Variants in CYP2A7 observed in about 807,000 individuals in gnomAD.
CYP2A7 encodes the protein cytochrome P450 family 2 subfamily A member 7, also known as cytochrome P450 2A7.
A neutral mutation model predicts 42.0 loss-of-function variants in CYP2A7; 36 were observed. That is an observed-to-expected ratio of 0.86 (90% CI 0.66 to 1.13). The LOEUF is 1.13. CYP2A7 is among the 50% of genes most tolerant of loss of function. The pLI, the probability that CYP2A7 is intolerant of heterozygous loss-of-function variation, is 0.00. For missense variants in CYP2A7, 661 were observed against 634.1 expected (o/e 1.04, Z -0.46); for synonymous variants, 260 against 249.5 (o/e 1.04, Z -0.40).
intron 2 of CYP2A7, among the ~76,000 whole-genome samples, chr19:40,881,180 T>C (rs1420938149): frequency 6.6e-6 from 1 of 150,458 alleles, no homozygotes; most frequent in Non-Finnish European, 1.5e-5. Context: ...AAGAATAGCA[T>C]GAAATCCTAA....
chr19:40,881,859 C>T (rs1366120006), intron 1 of CYP2A7, 108 bp from the exon 2 acceptor site: 1 of 1,532,688 alleles, frequency 6.5e-7, no homozygotes, highest in Non-Finnish European at 8.8e-7. Context: ...TTCTCACAGT[C>T]AGGGAGCTGG....
Position 40,876,340 on chromosome 19 carries a change from C to A in CYP2A7, c.1303+187G>T, listed in dbSNP as rs181950391. On this transcript the variant is annotated intron_variant, in intron 8 of 8. Transcript: ENST00000301146. ...TCTACGGGGAAAGATGTTTCCTTTC[C>A]TTTTACCTGGGTGCAGGTACTGGGT... 568 of 965,576 alleles carry A rather than the reference C, an allele frequency of 5.9e-4. 5 individuals are homozygous for A. The highest frequency in any genetic ancestry group is 5.5e-3 in the African/African-American group (328 of 59,678). The allele number at this position is 965,576 out of a possible 1,614,324, so 59.8% of individuals were successfully genotyped here. A position where few individuals can be genotyped will look rare whatever the true frequency, so the allele number is the denominator to read the frequency against.
intron 7 of CYP2A7, 85 bp downstream of exon 7, chr19:40,877,105 A>G: frequency 1.4e-6 from 2 of 1,478,518 alleles, no homozygotes; most frequent in Admixed American, 1.8e-5. Flanking sequence ...GACAGTGAGT[A>G]GAAAGCTTCT....
At position 40,879,961 on chromosome 19, in the gene CYP2A7, G is replaced by C. The variant is rs1180858636; in HGVS notation, c.654+123C>G. On this transcript the variant is annotated intron_variant, in intron 4 of 8. Transcript: ENST00000301146. ...TGCAACTGTCCAGTTGTCCAATATC[G>C]GGGGCTGATTTTGAGGGGACACTGT... 4 of 1,487,958 alleles carry C rather than the reference G, an allele frequency of 2.7e-6. No homozygotes were observed. In the African/African-American group the frequency reaches 5.5e-5, roughly 21 times the overall value. The allele number at this position is 1,487,958 out of a possible 1,614,324, so 92.2% of individuals were successfully genotyped here. A position where few individuals can be genotyped will look rare whatever the true frequency, so the allele number is the denominator to read the frequency against.
intron 6 of CYP2A7, among the ~76,000 whole-genome samples, chr19:40,877,580 C>T (rs1240211825): frequency 6.6e-6 from 1 of 151,464 alleles, no homozygotes; most frequent in Non-Finnish European, 1.5e-5. Context: ...AGGGGAGGCA[C>T]AGGGAGGAAC....
chr19:40,879,625 G>A (rs12982395), intron 4 of CYP2A7, among the ~76,000 whole-genome samples: 74,799 of 150,352 alleles, frequency 0.5, 19,346 homozygotes, highest in Admixed American at 0.62. Context: ...TGAAGTAGAG[G>A]GCGCTTGGCC....
chr19:40,880,149 C>T lies in CYP2A7; in HGVS notation c.589G>A (p.Glu197Lys), dbSNP rs765740639. ...ATCATGCTCAGCAGTGACAGGAACT[C>T]TTTGTCCTCATAGTCAAAGCGGTCC... The part of the protein sequence containing the change: ...FGDRFDYEDK[E>K]FLSLLSMMLG... Residue 197 changes from glutamate (E) to lysine (K), a missense_variant, in exon 4 of 9, where the codon GAG becomes AAG. Coordinates refer to ENST00000301146, the MANE Select transcript of CYP2A7 (RefSeq NM_000764.3). The T allele has an allele frequency of 1.2e-6, 2 of 1,612,890 alleles. No homozygotes were observed. Among genetic ancestry groups the T allele is most frequent in the East Asian group, 2.2e-5 (1 of 44,882 alleles).
intron 2 of CYP2A7, among the ~76,000 whole-genome samples, chr19:40,881,360 G>C (rs1312286490): frequency 6.6e-6 from 1 of 151,564 alleles, no homozygotes; most frequent in Admixed American, 6.6e-5. Context: ...TCCAGTGAGA[G>C]AGAATAAGGA....
chr19:40,881,371 G>C lies in CYP2A7; in HGVS notation c.343+218C>G, dbSNP rs185165349. 1.9e-3 allele frequency among the ~76,000 whole-genome samples: 290 copies of C among 151,648 alleles called. 3 individuals carry two copies. The highest frequency in any genetic ancestry group is 5.9e-3 in the African/African-American group (245 of 41,454). ...AGACTCCAGTGAGAGAGAATAAGGA[G>C]GTGGGGCAGAGAGAGGCAGGGAGGA... On this transcript the variant is annotated intron_variant, in intron 2 of 8. Transcript: ENST00000301146.
intron 4 of CYP2A7, 35 bp downstream of exon 4, chr19:40,880,049 G>C (rs1967617201): frequency 6.2e-7 from 1 of 1,607,368 alleles, no homozygotes; most frequent in African/African-American, 1.3e-5. Flanking sequence ...GCAGGTTGTG[G>C]TAGGGGCGTC....
In CYP2A7 at chr19:40,877,913, C is replaced by T. The variant is rs1967573173; in HGVS notation, c.912G>A (p.Glu304=). 5.6e-6 allele frequency: 9 copies of T among 1,612,714 alleles called. No individual in the cohort carries two copies. In the East Asian group the frequency reaches 1.8e-4, roughly 32 times the overall value. The change falls in exon 6 of 9, where the codon GAG becomes GAA. Residue 304 remains glutamate (E), a synonymous_variant. Coordinates refer to ENST00000301146, the MANE Select transcript of CYP2A7 (RefSeq NM_000764.3). The part of the protein sequence containing the change: ...STLNLFIAGT[E]TVSTTLRYGF... ...CATAGCGCAGGGTGGTGCTGACCGT[C>T]TCGGTGCCTGCAATGAAGAGGTTCA...
Position 40,880,900 on chromosome 19 carries a change from A to C in CYP2A7, c.344-272T>G, listed in dbSNP as rs1308322129. On this transcript the variant is annotated intron_variant, in intron 2 of 8. Coordinates refer to ENST00000301146, the MANE Select transcript of CYP2A7 (RefSeq NM_000764.3). The stretch of plus-strand genomic sequence containing the variant: ...AATAAGAGAATCAGAAGAGAAACAG[A>C]AAGGCCAGATAGAGATGCGCAGAGA... Among the ~76,000 whole-genome samples, 3 of 149,056 alleles carry C rather than the reference A, an allele frequency of 2.0e-5. 1 individual carries two copies. Among genetic ancestry groups the C allele is most frequent in the Non-Finnish European group, 4.5e-5 (3 of 67,020 alleles).
intron 4 of CYP2A7, among the ~76,000 whole-genome samples, chr19:40,879,419 A>G (rs1967605648): frequency 6.6e-6 from 1 of 151,422 alleles, no homozygotes; most frequent in East Asian, 1.9e-4. Context: ...GCTGGTGAAG[A>G]TGTTGAAGTG....
intron 2 of CYP2A7, among the ~76,000 whole-genome samples, chr19:40,880,847 G>A (rs1333840285): frequency 9.6e-6 from 1 of 104,046 alleles, no homozygotes; most frequent in Non-Finnish European, 2.1e-5. Flanking sequence ...GAGAGAGAGA[G>A]AGAGAGAGAG....
chr19:40,877,726 C>A, intron 6 of CYP2A7, 126 bp downstream of exon 6: 2 of 1,366,990 alleles, frequency 1.5e-6, no homozygotes, highest in Non-Finnish European at 1.0e-6. Flanking sequence ...CTGAATGTTG[C>A]CCTGTCTCTG....
intron 2 of CYP2A7, among the ~76,000 whole-genome samples, 175 bp from the exon 3 acceptor site, chr19:40,880,803 G>GAGAGAGAGAGAGAGAGAA (rs1488007462): frequency 6.1e-4 from 3 of 4,932 alleles, no homozygotes; most frequent in African/African-American, 1.8e-3. Context: ...ACGAGGGAGA[G>GAGAGAGAGAGAGAGAGAA]AGAGAGAGAG....
chr19:40,879,494 T>TCAAGGCGGGG (rs1967607206), intron 4 of CYP2A7, among the ~76,000 whole-genome samples: 1 of 151,640 alleles, frequency 6.6e-6, no homozygotes, highest in Admixed American at 6.6e-5. Flanking sequence ...CTCTGTAAGG[T>TCAAGGCGGGG]GTGTGATTGG....
intron 8 of CYP2A7, chr19:40,876,203 A>G (rs1037895114): frequency 1.7e-5 from 10 of 575,568 alleles, no homozygotes; most frequent in African/African-American, 1.5e-4. Context: ...AGGTGTAGCA[A>G]TGGGAGGTTT....
Position 40,876,624 on chromosome 19 carries a change from G to A in CYP2A7, c.1206C>T (p.Pro402=), listed in dbSNP as rs757644855. The change falls in exon 8 of 9, where the codon CCC becomes CCT. Residue 402 remains proline (P), a synonymous_variant. Coordinates refer to ENST00000301146, the MANE Select transcript of CYP2A7 (RefSeq NM_000764.3). The part of the protein sequence containing the change: ...FPMLGSVLRD[P]SFFSNPQDFN... The stretch of plus-strand genomic sequence containing the variant: ...AGTCCTGAGGGTTGGAGAAGAAGCT[G>A]GGGTCTCTCAGCACGGAGCCCAGCA... The A allele has an allele frequency of 2.7e-5, 44 of 1,612,940 alleles. 1 individual carries two copies. Among genetic ancestry groups the A allele is most frequent in the Non-Finnish European group, 3.2e-5 (38 of 1,179,286 alleles).
Sources: gnomAD v4.1 joint callset for allele counts (sites outside exome capture counted in the v4.1 genomes callset) on GRCh38, gnomAD v4.1.1 for gene constraint, MANE v1.5 for transcripts, NCBI Gene and HGNC (gene_info 2026-07-23, HGNC 2026-07-21) for gene names.